MAST4: variants seen among roughly 807,000 people sequenced by gnomAD.
The protein encoded by MAST4 is microtubule associated serine/threonine kinase family member 4, also known as microtubule-associated serine/threonine-protein kinase 4.
A neutral mutation model predicts 162.7 loss-of-function variants in MAST4; 89 were observed. The observed-to-expected ratio is 0.55, with a 90% confidence interval of 0.46 to 0.65. The LOEUF is 0.65. Ranked by LOEUF, MAST4 falls within the 30% of genes least tolerant of loss-of-function variation. MAST4 has a pLI of 0.00. For missense variants in MAST4, 3,153 were observed against 3,374.0 expected, an observed-to-expected ratio of 0.93 and a Z score of 1.62; for synonymous variants, 1,479 against 1,361.1, an observed-to-expected ratio of 1.09 and a Z score of -1.91.
Position 66,810,990 on chromosome 5 carries a change from G to A in MAST4, c.642+22196G>A, listed in dbSNP as rs1263097759. On this transcript the variant is annotated intron_variant, in intron 3 of 28. Coordinates refer to ENST00000403625, the MANE Select transcript of MAST4 (RefSeq NM_001164664.2). ...CTTTCCCTCTATTCTTCTAAGTGGG[G>A]ACTGTTTGCAGGAAAAACATCACTA... 3.3e-5 allele frequency among the ~76,000 whole-genome samples: 5 copies of A among 152,178 alleles called. 1 individual carries two copies. In the East Asian group the frequency reaches 5.8e-4, roughly 18 times the overall value.
At chr5:66,827,532 G>A (rs1415892543) in intron 3 of MAST4, among the ~76,000 whole-genome samples, 1 of 152,164 alleles carries the variant, frequency 6.6e-6, no homozygotes, top group East Asian at 1.9e-4. Context: ...TTGAGAGCAA[G>A]CGTATTAGTG....
chr5:66,638,304 T>A (rs2149431475), intron 1 of MAST4, among the ~76,000 whole-genome samples: 1 of 152,154 alleles, frequency 6.6e-6, no homozygotes, highest in Non-Finnish European at 1.5e-5. Context: ...CGGAGAGAAT[T>A]TAAGGACAAT....
At chr5:66,934,324 C>T (rs1334605744) in intron 4 of MAST4, among the ~76,000 whole-genome samples, 1 of 151,736 alleles carries the variant, frequency 6.6e-6, no homozygotes, top group Admixed American at 6.6e-5. Flanking sequence ...GTGATGATTC[C>T]ATGGTATTCC....
intron 1 of MAST4, among the ~76,000 whole-genome samples, chr5:66,676,280 G>A (rs1747942362): frequency 6.6e-6 from 1 of 152,166 alleles, no homozygotes; most frequent in Non-Finnish European, 1.5e-5. Flanking sequence ...TTGCAAAGAG[G>A]GAGGTTTACA....
chr5:67,012,815 A>G (rs747837197), intron 4 of MAST4, among the ~76,000 whole-genome samples: 37 of 152,358 alleles, frequency 2.4e-4, no homozygotes, highest in Non-Finnish European at 3.4e-4. Flanking sequence ...TATTAATACA[A>G]TAAAAGGACC....
chr5:66,808,186 G>A (rs1756298402), intron 3 of MAST4, among the ~76,000 whole-genome samples: 1 of 152,188 alleles, frequency 6.6e-6, no homozygotes, highest in Non-Finnish European at 1.5e-5. Flanking sequence ...AATTTTGTGG[G>A]AAGAGCATTG....
chr5:67,150,806 CCT>C (rs1771704516), intron 24 of MAST4, among the ~76,000 whole-genome samples: 1 of 152,156 alleles, frequency 6.6e-6, no homozygotes, highest in Non-Finnish European at 1.5e-5. Flanking sequence ...CATCTCTTCC[CCT>C]GTCCTTTGAT....
chr5:66,597,462 T>A (rs1325697657), intron 1 of MAST4, among the ~76,000 whole-genome samples: 2 of 151,206 alleles, frequency 1.3e-5, no homozygotes, highest in Non-Finnish European at 3.0e-5. Flanking sequence ...AGGAGTAGGG[T>A]GGGGGGCAGC....
chr5:66,791,356 A>G (rs1412349994), intron 3 of MAST4, among the ~76,000 whole-genome samples: 1 of 152,236 alleles, frequency 6.6e-6, no homozygotes, highest in East Asian at 1.9e-4. Flanking sequence ...TACTAGTACT[A>G]ACAGTCACAT....
intron 4 of MAST4, among the ~76,000 whole-genome samples, chr5:66,955,996 G>GT (rs974219681): frequency 6.9e-6 from 1 of 145,408 alleles, no homozygotes; most frequent in Non-Finnish European, 1.5e-5. Context: ...TTGTTTGTTT[G>GT]TTTTTTGGTA....
intron 4 of MAST4, 100 bp downstream of exon 4, chr5:66,900,082 A>T: frequency 1.2e-6 from 1 of 804,890 alleles, no homozygotes; most frequent in South Asian, 2.6e-5. Context: ...AAAATGAATG[A>T]TAATCAACTG....
chr5:67,164,046 G>T lies in MAST4; in HGVS notation c.4867G>T (p.Gly1623Cys). 1 of 1,578,454 alleles carries T rather than the reference G, an allele frequency of 6.3e-7. No homozygotes were observed. Among genetic ancestry groups the T allele is most frequent in the Admixed American group, 1.8e-5 (1 of 54,588 alleles). ...CGCCAGCGAGGGTGCGATGTCGGAT[G>T]GCCGGGTGCCTGCGGAGCACCGCCA... ...VRASEGAMSD[G>C]RVPAEHRQGG... The change falls in exon 29 of 29, where the codon GGC becomes TGC. Residue 1623 changes from glycine to cysteine, a missense_variant. Transcript: ENST00000403625. This position sits in a 1 kb window ranked among gnomAD's most constrained non-coding sequence, Gnocchi z 5.3.
chr5:67,155,965 CAG>C (rs921907032), intron 26 of MAST4, among the ~76,000 whole-genome samples: 3 of 150,364 alleles, frequency 2.0e-5, no homozygotes, highest in African/African-American at 7.4e-5. Context: ...GAGGCTGAGA[CAG>C]AGAATTTCTT....
At chr5:66,602,810 T>C (rs1266533355) in intron 1 of MAST4, among the ~76,000 whole-genome samples, 1 of 152,224 alleles carries the variant, frequency 6.6e-6, no homozygotes. Flanking sequence ...CAGCCAGTGT[T>C]TCCCTGCTTT....
intron 3 of MAST4, among the ~76,000 whole-genome samples, chr5:66,820,583 ACT>A (rs1038377273): frequency 1.3e-5 from 2 of 152,042 alleles, no homozygotes; most frequent in African/African-American, 4.8e-5. Flanking sequence ...CTTCATAAAC[ACT>A]CTCATATGAA....
chr5:66,850,191 G>A (rs892182056), intron 3 of MAST4, among the ~76,000 whole-genome samples: 14 of 152,170 alleles, frequency 9.2e-5, no homozygotes, highest in Admixed American at 7.2e-4. Context: ...GCTGAAGCCC[G>A]AGGTGCTTTA....
chr5:66,806,754 G>C (rs1454160144), intron 3 of MAST4, among the ~76,000 whole-genome samples: 1 of 151,906 alleles, frequency 6.6e-6, no homozygotes, highest in East Asian at 1.9e-4. Context: ...TTTTCTTTTT[G>C]TGCATCCTAG....
intron 1 of MAST4, among the ~76,000 whole-genome samples, chr5:66,724,287 A>C (rs1206741867): frequency 3.3e-5 from 5 of 152,184 alleles, no homozygotes; most frequent in Non-Finnish European, 7.4e-5. Context: ...GGTGTGGAGC[A>C]CAGAGGAATA....
chr5:67,061,893 G>A (rs942551540), intron 5 of MAST4, among the ~76,000 whole-genome samples: 3 of 151,730 alleles, frequency 2.0e-5, no homozygotes, highest in African/African-American at 4.8e-5. Context: ...AAGTCTGTAA[G>A]CCAAATGGGC....
Sources: allele counts gnomAD v4.1 joint callset (sites outside exome capture counted in the v4.1 genomes callset), GRCh38; gene constraint gnomAD v4.1.1; non-coding constraint Gnocchi (gnomAD v3.1); transcripts MANE v1.5; gene names NCBI Gene and HGNC (gene_info 2026-07-23, HGNC 2026-07-21).